The following MCF2L variants were observed in gnomAD, a reference collection of about 807,000 sequenced individuals.
MCF2L encodes guanine nucleotide exchange factor DBS.
Under a neutral mutation model 153.4 loss-of-function variants are expected in MCF2L, and 97 were observed. That is an observed-to-expected ratio of 0.63 (90% CI 0.54 to 0.75). The LOEUF (loss-of-function observed/expected upper bound fraction) is 0.75. MCF2L is among the 30% of genes least tolerant of loss of function. MCF2L has a pLI of 0.00. For synonymous variants in MCF2L, 659 were observed against 632.2 expected (o/e 1.04, Z -0.64); for missense variants, 1,347 against 1,495.2 (o/e 0.90, Z 1.64).
rs1022968558 is a variant in MCF2L, at chr13:113,087,132, A to G, written c.2374-103A>G. On this transcript the variant is annotated intron_variant, in intron 21 of 29. Transcript: ENST00000535094. ...TGGGACGCCCTGCAGCTGGAATCCC[A>G]CCGTGGGTGGGCTTTGCAGAGTGGC... 16 of 996,768 alleles carry G rather than the reference A, an allele frequency of 1.6e-5. No homozygotes were observed. In the South Asian group the frequency reaches 2.3e-4, roughly 14 times the overall value. The allele number at this position is 996,768 out of a possible 1,614,324, so 61.7% of individuals were successfully genotyped here.
In MCF2L at chr13:112,897,999, G is replaced by A. The variant is rs1010040403; in HGVS notation, c.-5+3568G>A. Among the ~76,000 whole-genome samples, 4 of 152,190 alleles carry A rather than the reference G, an allele frequency of 2.6e-5. 1 individual carries two copies. In the South Asian group the frequency reaches 8.3e-4, roughly 32 times the overall value. ...CAGCCCCAGCCCCGGCCCCGGCCCCGGCCCTGGGTCATGGCTTTGCAGCCT... is the reference window on the plus strand; with the variant it reads ...CAGCCCCAGCCCCGGCCCCGGCCCCAGCCCTGGGTCATGGCTTTGCAGCCT... On this transcript the variant is annotated intron_variant, in intron 1 of 29. Transcript: ENST00000375608.
chr13:112,948,142 T>C (rs1279524506), intron 2 of MCF2L, among the ~76,000 whole-genome samples: 1 of 152,194 alleles, frequency 6.6e-6, no homozygotes, highest in Non-Finnish European at 1.5e-5. Context: ...TATTCTGTGC[T>C]GTGATGGGCA....
At chr13:113,076,208 G>C in intron 12 of MCF2L, 51 bp downstream of exon 12, 1 of 1,336,262 alleles carries the variant, frequency 7.5e-7, no homozygotes. Flanking sequence ...CGAGCAGTGA[G>C]GCATTCCTCT....
intron 1 of MCF2L, among the ~76,000 whole-genome samples, chr13:112,982,110 T>C (rs2082453734): frequency 6.6e-6 from 1 of 151,938 alleles, no homozygotes; most frequent in South Asian, 2.1e-4. Context: ...GCAGAGAGCA[T>C]GGGGCCGACG....
Position 113,031,100 on chromosome 13 carries a change from CAG to C in MCF2L, c.278+6350_278+6351del, listed in dbSNP as rs200095370. Among the ~76,000 whole-genome samples the C allele has an allele frequency of 9.8e-4, 138 of 141,456 alleles. No homozygotes were observed. The highest frequency in any genetic ancestry group is 1.6e-3 in the Admixed American group (22 of 14,076). 92.8% of individuals were successfully genotyped at this position (141,456 alleles called of 152,430 possible). On this transcript the variant is annotated intron_variant, in intron 3 of 29. Coordinates refer to ENST00000535094, the MANE Select transcript of MCF2L (RefSeq NM_001112732.3). This position sits in a 1 kb window ranked among gnomAD's most constrained non-coding sequence, Gnocchi z 5.5. ...AGACAGATACAGACAGAGACAGAGA[CAG>C]AGAGAGACAGAGACAGAGAGTGACA...
At position 113,093,561 on chromosome 13, in the gene MCF2L, G is replaced by T. The variant is rs1325547184; in HGVS notation, c.2954-953G>T. The T allele has an allele frequency of 2.1e-5, 3 of 145,650 alleles. No homozygotes were observed. In the Admixed American group the frequency reaches 2.1e-4, roughly 10 times the overall value. 9.0% of individuals were successfully genotyped at this position (145,650 alleles called of 1,614,324 possible). A position where few individuals can be genotyped will look rare whatever the true frequency, so the allele number is the denominator to read the frequency against. On this transcript the variant is annotated intron_variant, in intron 26 of 29. Transcript: ENST00000535094. Reference sequence around the variant, plus strand: ...GCAGGCACAGGGCACACAGGCATCCGTGCACGCAGCTCCTCTGTCCTCCCC... The same window carrying T: ...GCAGGCACAGGGCACACAGGCATCCTTGCACGCAGCTCCTCTGTCCTCCCC...
At position 113,064,430 on chromosome 13, in the gene MCF2L, G is replaced by A. The variant is rs760609614; in HGVS notation, c.606+10G>A. The A allele has an allele frequency of 1.3e-5, 21 of 1,587,064 alleles. No individual in the cohort carries two copies. The highest frequency in any genetic ancestry group is 3.3e-5 in the Admixed American group (2 of 59,944). On this transcript the variant is annotated intron_variant, in intron 6 of 29. Transcript: ENST00000535094. This position sits in a 1 kb window ranked among gnomAD's most constrained non-coding sequence, Gnocchi z 6.0. Reference sequence around the variant, plus strand: ...GCTGTGCCAGCGCACGGTGAGCCGCGTCGGGGCCAGCGGGGCTGGCTGATA... The same window carrying A: ...GCTGTGCCAGCGCACGGTGAGCCGCATCGGGGCCAGCGGGGCTGGCTGATA...
Position 112,960,174 on chromosome 13 carries a change from A to G in MCF2L, c.170-54589A>G, listed in dbSNP as rs1594385824. 6.6e-6 allele frequency among the ~76,000 whole-genome samples: 1 copy of G among 152,218 alleles called. No individual in the cohort carries two copies. Among genetic ancestry groups the G allele is most frequent in the Admixed American group, 6.5e-5 (1 of 15,286 alleles). ...CACACAATGGAAGTTTAGTTGGCTC[A>G]TGGTCCTGGAGGCTTGGAAGCCCAA... On this transcript the variant is annotated intron_variant, in intron 2 of 29. Transcript: ENST00000375608. This position sits in a 1 kb window ranked among gnomAD's most constrained non-coding sequence, Gnocchi z 4.2.
At chr13:112,979,779 A>G (rs758320638) in intron 1 of MCF2L, 11 of 1,602,182 alleles carry the variant, frequency 6.9e-6, no homozygotes, top group Non-Finnish European at 8.5e-6. Context: ...ATGGGGTCGC[A>G]GGGCATGGGG....
intron 2 of MCF2L, among the ~76,000 whole-genome samples, chr13:112,916,622 G>A (rs1260045056): frequency 2.6e-5 from 4 of 152,174 alleles, no homozygotes; most frequent in Non-Finnish European, 5.9e-5. Context: ...TGTATAGGTG[G>A]CTGTCATGTG....
chr13:112,894,548 C>T (rs2081046946), intron 1 of MCF2L: 3 of 152,080 alleles, frequency 2.0e-5, no homozygotes, highest in Admixed American at 2.0e-4. Context: ...CCCCGCGTCC[C>T]CCTTAGCCTG....
At chr13:112,959,623 G>A (rs1191026975) in intron 2 of MCF2L, among the ~76,000 whole-genome samples, 1 of 152,104 alleles carries the variant, frequency 6.6e-6, no homozygotes, top group Non-Finnish European at 1.5e-5. Flanking sequence ...GTTTCCATGC[G>A]TTTGACTTCT....
chr13:113,075,694 C>G (rs980088603), intron 11 of MCF2L, among the ~76,000 whole-genome samples: 1 of 152,236 alleles, frequency 6.6e-6, no homozygotes, highest in Non-Finnish European at 1.5e-5. Context: ...ACTGCACTTA[C>G]CCTGCCTCTC....
At chr13:112,979,284 C>G (rs2082317569) in intron 1 of MCF2L, 1 of 1,118,368 alleles carries the variant, frequency 8.9e-7, no homozygotes, top group Non-Finnish European at 1.1e-6. Flanking sequence ...CACGCAAGCC[C>G]CCGCCCTGTT....
chr13:112,898,234 C>T (rs933988943), intron 1 of MCF2L, among the ~76,000 whole-genome samples: 6 of 152,192 alleles, frequency 3.9e-5, no homozygotes, highest in Non-Finnish European at 7.3e-5. Flanking sequence ...CTGCTTCCCC[C>T]GCATGTGTGG....
At chr13:113,050,155 T>TGTGTGA (rs1195763250) in intron 4 of MCF2L, among the ~76,000 whole-genome samples, 1 of 151,550 alleles carries the variant, frequency 6.6e-6, no homozygotes, top group African/African-American at 2.4e-5. Context: ...CATGTGTGAG[T>TGTGTGA]GTGTGAGTGT....
At chr13:113,001,230 A>G (rs987874646) in intron 1 of MCF2L, 1 of 152,086 alleles carries the variant, frequency 6.6e-6, no homozygotes. Context: ...TTCTCGGTGC[A>G]GGGGTATTCT....
At chr13:112,898,391 C>T (rs544606650) in intron 1 of MCF2L, among the ~76,000 whole-genome samples, 1 of 152,152 alleles carries the variant, frequency 6.6e-6, no homozygotes, top group Non-Finnish European at 1.5e-5. Flanking sequence ...AACCTGTGTG[C>T]GGAGGAGGCT....
At chr13:113,091,174 C>A (rs2035174508) in intron 26 of MCF2L, 1 of 1,301,226 alleles carries the variant, frequency 7.7e-7, no homozygotes. Flanking sequence ...AAAGAGCGAC[C>A]CGACTCCCTT....
Sources: gnomAD v4.1 joint callset for allele counts (sites outside exome capture counted in the v4.1 genomes callset) on GRCh38, gnomAD v4.1.1 for gene constraint, Gnocchi (gnomAD v3.1) non-coding constraint, MANE v1.5 for transcripts, NCBI Gene and HGNC (gene_info 2026-07-23, HGNC 2026-07-21) for gene names.